The following HDAC4 variants were observed in gnomAD, a reference collection of about 807,000 sequenced individuals.
HDAC4 encodes histone deacetylase 4, also known as histone deacetylase A.
Under a neutral mutation model 135.1 loss-of-function variants are expected in HDAC4, and 16 were observed. That is an observed-to-expected ratio of 0.12 (90% CI 0.08 to 0.18). The LOEUF is 0.18. Among genes scored for constraint, HDAC4 ranks in the 10% least tolerant of loss-of-function variants. HDAC4 has a pLI of 1.00. For missense variants in HDAC4, 1,143 were observed against 1,511.8 expected, an observed-to-expected ratio of 0.76 and a Z score of 4.05; for synonymous variants, 685 against 653.4, an observed-to-expected ratio of 1.05 and a Z score of -0.74.
At chr2:239,366,413 T>C (rs554693555) in intron 1 of HDAC4, among the ~76,000 whole-genome samples, 4 of 152,330 alleles carry the variant, frequency 2.6e-5, no homozygotes, top group South Asian at 4.1e-4. Context: ...ACTTTCTCCA[T>C]GGAGGAAAAG....
At chr2:239,122,751 G>A (rs935771605) in intron 12 of HDAC4, among the ~76,000 whole-genome samples, 2 of 152,216 alleles carry the variant, frequency 1.3e-5, no homozygotes, top group Non-Finnish European at 2.9e-5. Context: ...GGCACGGGCC[G>A]CCTCTCTTTC....
chr2:239,052,896 G>A lies in HDAC4; in HGVS notation c.*201C>T. On this transcript the variant is annotated 3_prime_UTR_variant, in exon 27 of 27. Transcript: ENST00000543185. ...TCTGTCCCGTGTTCCCTGTGAGGCT[G>A]CCACGCCCAGGCGTGCATGTGCGTC... 4.8e-6 allele frequency: 3 copies of A among 630,982 alleles called. No homozygotes were observed. Among genetic ancestry groups the A allele is most frequent in the Non-Finnish European group, 8.6e-6 (3 of 350,678 alleles). 39.1% of individuals were successfully genotyped at this position (630,982 alleles called of 1,614,324 possible).
chr2:239,181,219 A>G (rs1024133119), intron 4 of HDAC4, among the ~76,000 whole-genome samples: 49 of 152,212 alleles, frequency 3.2e-4, no homozygotes, highest in African/African-American at 1.2e-3. Context: ...AATTCCAGCC[A>G]GGAGCACGGG....
intron 2 of HDAC4, among the ~76,000 whole-genome samples, chr2:239,286,858 A>T (rs1012305089): frequency 6.6e-6 from 1 of 152,224 alleles, no homozygotes. Flanking sequence ...ACAGTCACTC[A>T]GGCATGTTGG....
At chr2:239,283,972 G>A (rs764964020) in intron 2 of HDAC4, among the ~76,000 whole-genome samples, 2 of 152,240 alleles carry the variant, frequency 1.3e-5, no homozygotes, top group Admixed American at 6.5e-5. Flanking sequence ...GATCTACAGC[G>A]GTGAGGCCCC....
At chr2:239,108,667 A>G (rs1017133491) in intron 14 of HDAC4, among the ~76,000 whole-genome samples, 2 of 152,208 alleles carry the variant, frequency 1.3e-5, no homozygotes, top group African/African-American at 4.8e-5. Flanking sequence ...AGAACTGTCC[A>G]AGGTACTTGA....
intron 15 of HDAC4, 39 bp downstream of exon 15, chr2:239,108,011 C>G (rs1376853652): frequency 6.2e-7 from 1 of 1,609,716 alleles, no homozygotes; most frequent in Non-Finnish European, 8.5e-7. Context: ...CTAATGGTGC[C>G]CAAAGCCGCA....
chr2:239,263,411 G>T (rs2049506794), intron 2 of HDAC4, among the ~76,000 whole-genome samples: 1 of 150,934 alleles, frequency 6.6e-6, no homozygotes, highest in South Asian at 2.1e-4. Flanking sequence ...ACAACAGGCA[G>T]CAGGTGAACA....
At chr2:239,254,417 TAAA>T (rs768394516) in intron 2 of HDAC4, among the ~76,000 whole-genome samples, 6 of 113,582 alleles carry the variant, frequency 5.3e-5, no homozygotes, top group Admixed American at 8.8e-5. Flanking sequence ...CAAGCTGCGC[TAAA>T]AAAAAAAAAA....
chr2:239,094,817 A>T (rs2036852306), intron 17 of HDAC4, 193 bp downstream of exon 17: 1 of 1,462,742 alleles, frequency 6.8e-7, no homozygotes, highest in African/African-American at 1.4e-5. Context: ...CCTTCCCCAG[A>T]GAAAGGTGCC....
In HDAC4 at chr2:239,245,297, A is replaced by C. The variant is rs997134233; in HGVS notation, c.23-8633T>G. 1.3e-5 allele frequency among the ~76,000 whole-genome samples: 2 copies of C among 152,230 alleles called. No homozygotes were observed. Among genetic ancestry groups the C allele is most frequent in the African/African-American group, 4.8e-5 (2 of 41,456 alleles). ...AAAGGACACTGGATTGGCTATGATC[A>C]GTCAAGCCCTGAAACAGAAAATCCC... On this transcript the variant is annotated intron_variant, in intron 2 of 26. Coordinates refer to ENST00000543185, the MANE Select transcript of HDAC4 (RefSeq NM_001378414.1). The surrounding 1 kb of genome is among the most constrained non-coding windows in gnomAD (Gnocchi z 4.4).
chr2:239,209,722 T>G lies in HDAC4; in HGVS notation c.95-19645A>C, dbSNP rs564363467. On this transcript the variant is annotated intron_variant, in intron 3 of 26. Coordinates refer to ENST00000543185, the MANE Select transcript of HDAC4 (RefSeq NM_001378414.1). Reference sequence around the variant, plus strand: ...CAGCCTTAAAAAGTGAAAGGCTGAATCTCAGAGGAGCTACTTTAACACAGC... The same window carrying G: ...CAGCCTTAAAAAGTGAAAGGCTGAAGCTCAGAGGAGCTACTTTAACACAGC... Among the ~76,000 whole-genome samples the G allele has an allele frequency of 2.0e-5, 3 of 152,348 alleles. No individual in the cohort carries two copies. In the East Asian group the frequency reaches 5.8e-4, roughly 29 times the overall value.
intron 26 of HDAC4, 124 bp from the exon 27 acceptor site, chr2:239,053,260 C>G: frequency 1.1e-5 from 15 of 1,382,394 alleles, no homozygotes; most frequent in Admixed American, 7.6e-5. Flanking sequence ...GGCCTGGCAG[C>G]CCCGGGTCCA....
At chr2:239,273,008 T>C in intron 2 of HDAC4, among the ~76,000 whole-genome samples, 1 of 152,118 alleles carries the variant, frequency 6.6e-6, no homozygotes, top group East Asian at 1.9e-4. Flanking sequence ...GAAGGATAAA[T>C]GATACCCCAC....
Position 239,210,948 on chromosome 2 carries a change from A to G in HDAC4, c.95-20871T>C, listed in dbSNP as rs189216496. On this transcript the variant is annotated intron_variant, in intron 3 of 26. Coordinates refer to ENST00000543185, the MANE Select transcript of HDAC4 (RefSeq NM_001378414.1). The stretch of plus-strand genomic sequence containing the variant: ...AAAGGGGATTTATGGCATGAACCTG[A>G]TCACAGAAAACACACTCCACAAACA... Among the ~76,000 whole-genome samples, 34 of 152,326 alleles carry G rather than the reference A, an allele frequency of 2.2e-4. No homozygotes were observed. In the East Asian group the frequency reaches 6.6e-3, roughly 29 times the overall value.
intron 7 of HDAC4, among the ~76,000 whole-genome samples, chr2:239,153,225 C>G (rs907430888): frequency 3.9e-5 from 6 of 152,212 alleles, no homozygotes; most frequent in African/African-American, 1.4e-4. Flanking sequence ...GGGGTGACGA[C>G]AAAATTCACA....
At chr2:239,107,339 G>A (rs964566871) in intron 15 of HDAC4, among the ~76,000 whole-genome samples, 1 of 152,254 alleles carries the variant, frequency 6.6e-6, no homozygotes, top group Non-Finnish European at 1.5e-5. Flanking sequence ...GCGGGGCCGG[G>A]CCCTCCTTGT....
In HDAC4 at chr2:239,400,398, C is replaced by G. The variant is rs1205662978; in HGVS notation, c.-220+580G>C. 6.8e-6 allele frequency: 1 copy of G among 146,878 alleles called. No individual in the cohort carries two copies. The highest frequency in any genetic ancestry group is 2.4e-5 in the African/African-American group (1 of 40,858). The allele number at this position is 146,878 out of a possible 1,614,324, so 9.1% of individuals were successfully genotyped here. A position where few individuals can be genotyped will look rare whatever the true frequency, so the allele number is the denominator to read the frequency against. On this transcript the variant is annotated intron_variant, in intron 1 of 26. Coordinates refer to ENST00000543185, the MANE Select transcript of HDAC4 (RefSeq NM_001378414.1). The surrounding 1 kb of genome is among the most constrained non-coding windows in gnomAD (Gnocchi z 4.7). The stretch of plus-strand genomic sequence containing the variant: ...CCACCTGCTCGGGGGGCGCGGGCCC[C>G]GCACCGGGAGACGGCGCCGCTGCCT...
chr2:239,198,936 G>A (rs2045578202), intron 3 of HDAC4, among the ~76,000 whole-genome samples: 1 of 152,104 alleles, frequency 6.6e-6, no homozygotes, highest in African/African-American at 2.4e-5. Context: ...CAAATCAAAT[G>A]CCATCAACAC....
Sources: gnomAD v4.1 joint callset for allele counts (sites outside exome capture counted in the v4.1 genomes callset) on GRCh38, gnomAD v4.1.1 for gene constraint, Gnocchi (gnomAD v3.1) non-coding constraint, MANE v1.5 for transcripts, NCBI Gene and HGNC (gene_info 2026-07-23, HGNC 2026-07-21) for gene names.